SORCS1: variants seen among roughly 807,000 people sequenced by gnomAD.
SORCS1 encodes the protein VPS10 domain-containing receptor SorCS1.
A neutral mutation model predicts 146.1 loss-of-function variants in SORCS1; 60 were observed. The ratio of observed to expected loss-of-function variants is 0.41; its 90% CI spans 0.33 to 0.51. The LOEUF is 0.51. Among genes scored for constraint, SORCS1 ranks in the 20% least tolerant of loss-of-function variants. The pLI is 0.21. For missense variants in SORCS1, 1,352 were observed against 1,487.6 expected (o/e 0.91, Z 1.50); for synonymous variants, 637 against 584.0 (o/e 1.09, Z -1.31).
intron 2 of SORCS1, among the ~76,000 whole-genome samples, chr10:106,946,762 C>T (rs1954366870): frequency 6.6e-6 from 1 of 152,176 alleles, no homozygotes; most frequent in Non-Finnish European, 1.5e-5. Flanking sequence ...TGTAACTATC[C>T]ACTGAAAGTC....
rs41291864 is a variant in SORCS1 at position 106,688,097 on chromosome 10, T to G, written c.1560+95A>C. On this transcript the variant is annotated intron_variant, in intron 10 of 25. Transcript: ENST00000263054. ...TCCCCACTCCCTTTTGTTCATCAAC[T>G]GAGCAAAAGTCCCAGAACTATCCTC... is the stretch of plus-strand genomic sequence containing the variant. The G allele has an allele frequency of 1.9e-3, 2,840 of 1,506,242 alleles. 8 individuals carry two copies. Among genetic ancestry groups the G allele is most frequent in the Admixed American group, 5.8e-3 (263 of 45,046 alleles). 93.3% of individuals were successfully genotyped at this position (1,506,242 alleles called of 1,614,324 possible). A position where few individuals can be genotyped will look rare whatever the true frequency, so the allele number is the denominator to read the frequency against.
intron 2 of SORCS1, among the ~76,000 whole-genome samples, chr10:106,882,573 C>A (rs1950846220): frequency 1.3e-5 from 2 of 152,110 alleles, no homozygotes; most frequent in South Asian, 4.2e-4. Flanking sequence ...CAGAATTTGG[C>A]TGTTGTTGAC....
At chr10:107,016,831 AAGAT>A (rs1378516825) in intron 1 of SORCS1, among the ~76,000 whole-genome samples, 2 of 152,220 alleles carry the variant, frequency 1.3e-5, no homozygotes, top group African/African-American at 4.8e-5. Context: ...ATCAAAAGAA[AAGAT>A]AGCCTAACAG....
At chr10:106,578,717 G>A in intron 25 of SORCS1, 8 of 1,091,002 alleles carry the variant, frequency 7.3e-6, no homozygotes, top group Non-Finnish European at 8.9e-6. Context: ...ACCATGTCCT[G>A]CAAACCCTGC....
intron 2 of SORCS1, among the ~76,000 whole-genome samples, chr10:106,932,568 T>C (rs569987888): frequency 2.0e-5 from 3 of 152,296 alleles, no homozygotes; most frequent in African/African-American, 7.2e-5. Context: ...TTGGACAAAA[T>C]GACACCTTAG....
At chr10:106,680,197 G>A (rs1044919716) in intron 10 of SORCS1, among the ~76,000 whole-genome samples, 3 of 152,152 alleles carry the variant, frequency 2.0e-5, no homozygotes, top group Admixed American at 2.0e-4. Context: ...TGAACAGTAG[G>A]TAGATGTTCA....
At chr10:106,600,374 C>G in intron 23 of SORCS1, 5 of 976,632 alleles carry the variant, frequency 5.1e-6, no homozygotes, top group Non-Finnish European at 6.1e-6. Context: ...AAAGGACATT[C>G]AACAATGAAC....
chr10:106,880,885 G>A (rs1459822009), intron 2 of SORCS1, among the ~76,000 whole-genome samples: 1 of 151,820 alleles, frequency 6.6e-6, no homozygotes, highest in Non-Finnish European at 1.5e-5. Flanking sequence ...TCAGGAGATG[G>A]AGACCATCCT....
At chr10:106,652,163 A>G (rs1849912841) in intron 18 of SORCS1, among the ~76,000 whole-genome samples, 1 of 152,262 alleles carries the variant, frequency 6.6e-6, no homozygotes, top group African/African-American at 2.4e-5. Flanking sequence ...ATTAAGTATG[A>G]GTGAAGAATA....
intron 3 of SORCS1, among the ~76,000 whole-genome samples, chr10:106,812,255 C>T (rs998825797): frequency 5.3e-5 from 8 of 152,148 alleles, no homozygotes; most frequent in African/African-American, 1.7e-4. Flanking sequence ...CCGCCTCGGC[C>T]TCCCAAAGTG....
chr10:106,869,684 A>G (rs1477520528), intron 2 of SORCS1, among the ~76,000 whole-genome samples: 1 of 152,232 alleles, frequency 6.6e-6, no homozygotes, highest in African/African-American at 2.4e-5. Flanking sequence ...TATTGAAGGA[A>G]CATACCTCAA....
chr10:106,726,633 C>T (rs1856212496), intron 6 of SORCS1, among the ~76,000 whole-genome samples: 2 of 152,020 alleles, frequency 1.3e-5, no homozygotes, highest in Admixed American at 1.3e-4. Context: ...GAAAGCAACC[C>T]GGGATGCTAC....
intron 2 of SORCS1, among the ~76,000 whole-genome samples, chr10:106,844,075 A>T (rs995291307): frequency 6.6e-6 from 1 of 152,196 alleles, no homozygotes; most frequent in African/African-American, 2.4e-5. Context: ...TTGATAAAAA[A>T]CATCCTAATA....
intron 1 of SORCS1, among the ~76,000 whole-genome samples, chr10:106,977,081 T>G (rs996199785): frequency 6.6e-6 from 1 of 152,240 alleles, no homozygotes; most frequent in Non-Finnish European, 1.5e-5. Flanking sequence ...GGCCAAATTA[T>G]TTCTGGTTTC....
In SORCS1 at chr10:106,960,559, C is replaced by A. The variant is rs1042036570; in HGVS notation, c.559-3979G>T. Among the ~76,000 whole-genome samples the A allele has an allele frequency of 2.9e-4, 44 of 152,098 alleles. No individual in the cohort carries two copies. Among genetic ancestry groups the A allele is most frequent in the Non-Finnish European group, 4.6e-4 (31 of 68,016 alleles). The stretch of plus-strand genomic sequence containing the variant: ...AGCTGAGACTACAGGTGCGCCACCA[C>A]ACCCAGCTAATTTTTGTACTTTTAG... On this transcript the variant is annotated intron_variant, in intron 1 of 25. Transcript: ENST00000263054. The surrounding 1 kb of genome is among the most constrained non-coding windows in gnomAD (Gnocchi z 4.4).
At chr10:106,795,891 A>T (rs944220271) in intron 3 of SORCS1, among the ~76,000 whole-genome samples, 4 of 152,266 alleles carry the variant, frequency 2.6e-5, no homozygotes, top group Non-Finnish European at 5.9e-5. Flanking sequence ...ACCAACTAAC[A>T]TCTGTGAGCC....
intron 4 of SORCS1, among the ~76,000 whole-genome samples, chr10:106,776,062 T>C (rs1420145157): frequency 6.6e-6 from 1 of 152,238 alleles, no homozygotes; most frequent in Non-Finnish European, 1.5e-5. Flanking sequence ...TGCATAAGGT[T>C]ACCTATATAC....
At chr10:106,670,489 G>A (rs142883950) in intron 16 of SORCS1, among the ~76,000 whole-genome samples, 47 of 152,254 alleles carry the variant, frequency 3.1e-4, no homozygotes, top group Non-Finnish European at 5.3e-4. Context: ...CATCTTCCAT[G>A]AATCTCATAA....
At chr10:107,154,908 C>T (rs902403643) in intron 1 of SORCS1, among the ~76,000 whole-genome samples, 21 of 152,078 alleles carry the variant, frequency 1.4e-4, no homozygotes, top group African/African-American at 4.8e-4. Context: ...AGAAATATAC[C>T]ATTAGTACCC....
Sources: allele counts gnomAD v4.1 joint callset (sites outside exome capture counted in the v4.1 genomes callset), GRCh38; gene constraint gnomAD v4.1.1; non-coding constraint Gnocchi (gnomAD v3.1); transcripts MANE v1.5; gene names NCBI Gene and HGNC (gene_info 2026-07-23, HGNC 2026-07-21).